Variants in MEPE observed in about 807,000 individuals in gnomAD.
MEPE encodes the protein matrix extracellular phosphoglycoprotein, also known as matrix, extracellular phosphoglycoprotein with ASARM motif (bone).
MEPE carries 7 observed loss-of-function variants against 7.3 expected under a neutral mutation model. The observed-to-expected ratio is 0.95, with a 90% CI of 0.54 to 1.79. The LOEUF (loss-of-function observed/expected upper bound fraction) is 1.79, where lower values mean the gene tolerates loss of function less well. MEPE is among the 40% of genes most tolerant of loss of function. The pLI is 0.00. For missense variants in MEPE, 623 were observed against 628.2 expected (o/e 0.99, Z 0.09); for synonymous variants, 214 against 213.1 (o/e 1.00, Z -0.04).
intron 3 of MEPE, among the ~76,000 whole-genome samples, chr4:87,843,028 C>T (rs1723073855): frequency 6.6e-6 from 1 of 152,066 alleles, no homozygotes; most frequent in Admixed American, 6.5e-5. Context: ...GTCTTTTTCA[C>T]CCTATCTTCA....
intron 1 of MEPE, 132 bp from the exon 2 acceptor site, chr4:87,834,571 C>T (rs1490854611): frequency 1.6e-6 from 1 of 639,624 alleles, no homozygotes; most frequent in Non-Finnish European, 2.7e-6. Flanking sequence ...AGTCTATACA[C>T]ACACATACAC....
At chr4:87,844,725 A>G (rs937205659) in intron 3 of MEPE, among the ~76,000 whole-genome samples, 5 of 152,172 alleles carry the variant, frequency 3.3e-5, no homozygotes, top group Non-Finnish European at 7.3e-5. Context: ...TATGCCGCTT[A>G]TTCTTAAAAT....
chr4:87,844,228 C>T (rs144186223), intron 3 of MEPE, among the ~76,000 whole-genome samples: 10 of 152,268 alleles, frequency 6.6e-5, no homozygotes, highest in South Asian at 4.1e-4. Context: ...GAGTGGCATA[C>T]GGTATAGTCA....
In MEPE at chr4:87,845,063, C is replaced by T. The variant is rs1723159815; in HGVS notation, c.195C>T (p.Val65=). ...AGCTATCATCTAAAGAAAATATTGT[C>T]CAGGAAAGAAAGAAAGATTTGTCCC... ...NQELSSKENI[V]QERKKDLSLS... The change falls in exon 4 of 4, where the codon GTC becomes GTT. Residue 65 remains valine, a synonymous_variant. Transcript: ENST00000361056. 1.2e-6 allele frequency: 2 copies of T among 1,613,180 alleles called. No individual in the cohort carries two copies. Among genetic ancestry groups the T allele is most frequent in the East Asian group, 4.5e-5 (2 of 44,832 alleles).
At chr4:87,822,996 A>G (rs1245153628) in intron 1 of MEPE, among the ~76,000 whole-genome samples, 1 of 152,236 alleles carries the variant, frequency 6.6e-6, no homozygotes, top group Non-Finnish European at 1.5e-5. Context: ...AAGTTGCAGC[A>G]GAGCAGCTCC....
chr4:87,835,995 A>AG (rs143364649), intron 2 of MEPE, among the ~76,000 whole-genome samples: 1 of 151,914 alleles, frequency 6.6e-6, no homozygotes, highest in Non-Finnish European at 1.5e-5. Flanking sequence ...TCTCCATTAC[A>AG]GGGCCACATT....
intron 1 of MEPE, among the ~76,000 whole-genome samples, chr4:87,833,970 G>T (rs1257941521): frequency 6.6e-6 from 1 of 152,124 alleles, no homozygotes; most frequent in Non-Finnish European, 1.5e-5. Context: ...TCCCAGTTCT[G>T]CCCCTTAATA....
chr4:87,824,078 A>T (rs1440919855), intron 1 of MEPE, among the ~76,000 whole-genome samples: 1 of 152,230 alleles, frequency 6.6e-6, no homozygotes, highest in East Asian at 1.9e-4. Context: ...CACCATTAAT[A>T]TGTACAGAAT....
chr4:87,830,676 A>G (rs985650857), upstream of MEPE, among the ~76,000 whole-genome samples: 4 of 152,178 alleles, frequency 2.6e-5, no homozygotes, highest in Non-Finnish European at 5.9e-5. Flanking sequence ...AACAAACCCC[A>G]GGGACATGTG....
At chr4:87,836,613 T>C (rs895726839) in intron 2 of MEPE, among the ~76,000 whole-genome samples, 2 of 152,158 alleles carry the variant, frequency 1.3e-5, no homozygotes, top group Non-Finnish European at 2.9e-5. Context: ...CATATAAGAA[T>C]CAACATAAGA....
chr4:87,829,058 T>C (rs939325381), upstream of MEPE, among the ~76,000 whole-genome samples: 3 of 152,274 alleles, frequency 2.0e-5, no homozygotes, highest in East Asian at 1.9e-4. Context: ...GAAACTTATA[T>C]TGAGTTTTTG....
At chr4:87,828,385 G>A (rs1578051921), upstream of MEPE, among the ~76,000 whole-genome samples, 1 of 152,098 alleles carries the variant, frequency 6.6e-6, no homozygotes. Context: ...ATGGAAAAGT[G>A]TATTGTGTGA....
rs549521007 is a variant in MEPE at position 87,822,777 on chromosome 4, T to C, written c.-13+1306T>C. Among the ~76,000 whole-genome samples, 17 of 152,216 alleles carry C rather than the reference T, an allele frequency of 1.1e-4. No individual in the cohort carries two copies. In the East Asian group the frequency reaches 3.3e-3, roughly 29 times the overall value. ...GCTCAACTGAAACTAAAGAGACGAA[T>C]GAGAAATGGCCTTGTGGTCATCTTC... On this transcript the variant is annotated intron_variant, in intron 1 of 3. Transcript: ENST00000424957.
In MEPE at chr4:87,846,091, G is replaced by C. The variant is rs756832912; in HGVS notation, c.1223G>C (p.Arg408Thr). Residue 408 changes from arginine (R) to threonine (T), a missense_variant, in exon 4 of 4, where the codon AGA becomes ACA. Arg to Thr is a moderately conservative substitution (Grantham distance 71). Transcript: ENST00000361056. ...CCTAAAAATGGCAAAGGCAGTACCA[G>C]AAAGGGTGTAGATCATTCTAATAGG... The part of the protein sequence containing the change: ...EIPKNGKGST[R>T]KGVDHSNRNQ... 1.2e-6 allele frequency: 2 copies of C among 1,614,012 alleles called. No homozygotes were observed. The highest frequency in any genetic ancestry group is 1.7e-6 in the Non-Finnish European group (2 of 1,179,946).
intron 1 of MEPE, among the ~76,000 whole-genome samples, chr4:87,823,149 C>T (rs541362908): frequency 6.6e-6 from 1 of 152,304 alleles, no homozygotes; most frequent in South Asian, 2.1e-4. Flanking sequence ...CAAGATAATT[C>T]ATGGTAGACA....
At chr4:87,838,963 C>A (rs562886172) in intron 3 of MEPE, among the ~76,000 whole-genome samples, 1 of 152,286 alleles carries the variant, frequency 6.6e-6, no homozygotes, top group African/African-American at 2.4e-5. Flanking sequence ...CTTCATGGGG[C>A]TAAGTGAGTA....
Position 87,846,362 on chromosome 4 carries a change from C to T in MEPE, c.1494C>T (p.Ser498=), listed in dbSNP as rs760599019. ...GKGSWGRQPH[S]NRRFSSRRRD... is the part of the protein sequence containing the mutation. ...GCTCCTGGGGTAGACAACCCCATTC[C>T]AACAGGAGGTTTAGTTCCCGTAGAA... The change falls in exon 4 of 4, where the codon TCC becomes TCT. Residue 498 remains serine (S), a synonymous_variant. Transcript: ENST00000361056. 12 of 1,614,030 alleles carry T rather than the reference C, an allele frequency of 7.4e-6. No individual in the cohort carries two copies. Among genetic ancestry groups the T allele is most frequent in the Non-Finnish European group, 1.0e-5 (12 of 1,179,930 alleles).
At chr4:87,823,809 G>A (rs939998726) in intron 1 of MEPE, among the ~76,000 whole-genome samples, 2 of 151,580 alleles carry the variant, frequency 1.3e-5, no homozygotes, top group East Asian at 1.9e-4. Context: ...CATGAATCTC[G>A]GGTTAAAAAA....
chr4:87,823,276 C>A (rs865839250), intron 1 of MEPE, among the ~76,000 whole-genome samples: 2 of 152,170 alleles, frequency 1.3e-5, no homozygotes, highest in Non-Finnish European at 2.9e-5. Flanking sequence ...TGACTCTGCC[C>A]TTTTCCCAGG....
Sources: allele counts gnomAD v4.1 joint callset (sites outside exome capture counted in the v4.1 genomes callset), GRCh38; gene constraint gnomAD v4.1.1; transcripts MANE v1.5; gene names NCBI Gene and HGNC (gene_info 2026-07-23, HGNC 2026-07-21).